CSMD3: variants seen among roughly 807,000 people sequenced by gnomAD.
The protein encoded by CSMD3 is CUB and sushi domain-containing protein 3.
In CSMD3, 177 loss-of-function variants were observed where a neutral mutation model predicts 435.2. That is an observed-to-expected ratio of 0.41 (90% CI 0.36 to 0.46). The LOEUF (loss-of-function observed/expected upper bound fraction) is 0.46. CSMD3 is among the 20% of genes least tolerant of loss of function. The probability of loss-of-function intolerance (pLI) is 0.34; values close to 1 mark genes in which losing one functional copy is unlikely to be tolerated. For missense variants in CSMD3, 4,265 were observed against 4,504.6 expected (o/e 0.95, Z 1.52); for synonymous variants, 1,656 against 1,520.5 (o/e 1.09, Z -2.07).
intron 64 of CSMD3, among the ~76,000 whole-genome samples, chr8:112,244,774 T>C (rs1433736259): frequency 6.6e-6 from 1 of 151,990 alleles, no homozygotes; most frequent in African/African-American, 2.4e-5. Context: ...TAATCCACCA[T>C]TTGTGGAACA....
At chr8:113,345,198 T>C (rs1208734852) in intron 1 of CSMD3, among the ~76,000 whole-genome samples, 1 of 152,132 alleles carries the variant, frequency 6.6e-6, no homozygotes, top group African/African-American at 2.4e-5. Flanking sequence ...AGGATAAGTC[T>C]ATAAACCCAA....
In CSMD3 at chr8:112,618,348, T is replaced by C. The variant is rs140189518; in HGVS notation, c.3715+18469A>G. Among the ~76,000 whole-genome samples, 557 of 152,156 alleles carry C rather than the reference T, an allele frequency of 3.7e-3. 5 individuals are homozygous for C. The highest frequency in any genetic ancestry group is 0.012 in the African/African-American group (514 of 41,554). ...AAGAAAAAGAATATAAATATGGTTATTAAGCCATAGTCAAGACAGAAGGCT... is the reference window on the plus strand; with the variant it reads ...AAGAAAAAGAATATAAATATGGTTACTAAGCCATAGTCAAGACAGAAGGCT... On this transcript the variant is annotated intron_variant, in intron 22 of 70. Coordinates refer to ENST00000297405, the MANE Select transcript of CSMD3 (RefSeq NM_198123.2).
At position 112,825,496 on chromosome 8, in the gene CSMD3, G is replaced by A. The variant is rs1349871415; in HGVS notation, c.1859+4190C>T. On this transcript the variant is annotated intron_variant, in intron 12 of 70. Transcript: ENST00000297405. ...TCGTTGTGGCTGCTGACCCTCAGATGGGGTTTCTATGGGGACTTTTTTGTT... is the reference window on the plus strand; with the variant it reads ...TCGTTGTGGCTGCTGACCCTCAGATAGGGTTTCTATGGGGACTTTTTTGTT... Among the ~76,000 whole-genome samples, 2 of 152,148 alleles carry A rather than the reference G, an allele frequency of 1.3e-5. 1 individual carries two copies. The highest frequency in any genetic ancestry group is 4.8e-5 in the African/African-American group (2 of 41,438).
chr8:112,614,238 T>A (rs1402249210), intron 22 of CSMD3, among the ~76,000 whole-genome samples: 1 of 152,130 alleles, frequency 6.6e-6, no homozygotes, highest in Non-Finnish European at 1.5e-5. Context: ...TGGAGTGCCC[T>A]AATTGCCATG....
At chr8:112,761,872 T>C (rs546708216) in intron 13 of CSMD3, among the ~76,000 whole-genome samples, 39 of 152,158 alleles carry the variant, frequency 2.6e-4, no homozygotes, top group African/African-American at 8.9e-4. Flanking sequence ...ATTGGCCTTG[T>C]GGTATTGCCA....
At chr8:112,665,598 T>G (rs180988575) in intron 17 of CSMD3, among the ~76,000 whole-genome samples, 1 of 152,288 alleles carries the variant, frequency 6.6e-6, no homozygotes, top group East Asian at 1.9e-4. Context: ...ATCTGTTTGT[T>G]TTTTGAAGAA....
At chr8:113,027,617 T>C (rs965352374) in intron 5 of CSMD3, among the ~76,000 whole-genome samples, 3 of 152,136 alleles carry the variant, frequency 2.0e-5, no homozygotes, top group African/African-American at 7.2e-5. Flanking sequence ...AATCTAAGTA[T>C]TGTGTTAGGC....
intron 4 of CSMD3, among the ~76,000 whole-genome samples, chr8:113,156,744 A>ATAAATAAATAAATAAATAAT (rs1554792355): frequency 1.0e-4 from 14 of 139,690 alleles, no homozygotes; most frequent in South Asian, 2.3e-4. Context: ...AAATAAATAA[A>ATAAATAAATAAATAAATAAT]TAAATAAATA....
chr8:112,262,612 C>A (rs1389564797), intron 61 of CSMD3, among the ~76,000 whole-genome samples: 1 of 151,850 alleles, frequency 6.6e-6, no homozygotes, highest in Non-Finnish European at 1.5e-5. Flanking sequence ...CCAGAGAAGG[C>A]AATACTGAAA....
At chr8:112,257,253 T>C (rs115110931) in intron 61 of CSMD3, among the ~76,000 whole-genome samples, 1 of 152,156 alleles carries the variant, frequency 6.6e-6, no homozygotes, top group East Asian at 1.9e-4. Flanking sequence ...TGGCTAAATA[T>C]AAAAACAAGT....
intron 10 of CSMD3, among the ~76,000 whole-genome samples, chr8:112,892,417 G>A (rs2130342399): frequency 6.6e-6 from 1 of 151,448 alleles, no homozygotes; most frequent in Non-Finnish European, 1.5e-5. Flanking sequence ...GCCATTTTTG[G>A]AAAATAGGGG....
intron 4 of CSMD3, among the ~76,000 whole-genome samples, chr8:113,107,224 T>C (rs910042475): frequency 6.6e-6 from 1 of 152,212 alleles, no homozygotes; most frequent in Non-Finnish European, 1.5e-5. Context: ...AGGCAGGGCC[T>C]GATCCATGGG....
At position 112,692,229 on chromosome 8, in the gene CSMD3, T is replaced by A. The variant is rs1025277465; in HGVS notation, c.1973-2179A>T. On this transcript the variant is annotated intron_variant, in intron 13 of 70. Coordinates refer to ENST00000297405, the MANE Select transcript of CSMD3 (RefSeq NM_198123.2). ...TTTCTTGAGTTGAAATCTTAGAACT[T>A]TTTTAGTATATTTTCAGCCTTTCTT... is the stretch of plus-strand genomic sequence containing the variant. 2.0e-5 allele frequency among the ~76,000 whole-genome samples: 3 copies of A among 152,210 alleles called. No homozygotes were observed. In the East Asian group the frequency reaches 5.8e-4, roughly 29 times the overall value.
At chr8:112,256,909 A>G (rs939668467) in intron 61 of CSMD3, among the ~76,000 whole-genome samples, 4 of 152,114 alleles carry the variant, frequency 2.6e-5, no homozygotes, top group African/African-American at 4.8e-5. Flanking sequence ...TGTACAAGAG[A>G]TCGACCACAA....
At chr8:113,011,825 ATTAT>A (rs1449221773) in intron 6 of CSMD3, among the ~76,000 whole-genome samples, 1 of 151,840 alleles carries the variant, frequency 6.6e-6, no homozygotes, top group East Asian at 1.9e-4. Flanking sequence ...CAGACCAATG[ATTAT>A]TTAGATAGAT....
At chr8:112,352,314 C>G in intron 39 of CSMD3, 102 bp downstream of exon 39, 3 of 1,570,596 alleles carry the variant, frequency 1.9e-6, no homozygotes, top group Non-Finnish European at 2.6e-6. Flanking sequence ...CAGACACAAA[C>G]CAGGATCAAT....
intron 70 of CSMD3, among the ~76,000 whole-genome samples, chr8:112,228,298 G>A (rs1307842913): frequency 6.6e-6 from 1 of 152,090 alleles, no homozygotes; most frequent in Non-Finnish European, 1.5e-5. Flanking sequence ...GAAGATTAGA[G>A]GATTTTGCCA....
chr8:113,075,362 CT>C (rs2089295912), intron 5 of CSMD3, among the ~76,000 whole-genome samples: 1 of 151,900 alleles, frequency 6.6e-6, no homozygotes, highest in East Asian at 1.9e-4. Flanking sequence ...TATTAAATGT[CT>C]GCTAATCTTA....
intron 23 of CSMD3, among the ~76,000 whole-genome samples, chr8:112,584,959 T>C (rs911760030): frequency 1.3e-5 from 2 of 151,654 alleles, no homozygotes; most frequent in African/African-American, 4.8e-5. Flanking sequence ...TAATCATATG[T>C]CTTTTTGAGG....
Sources: gnomAD v4.1 joint callset for allele counts (sites outside exome capture counted in the v4.1 genomes callset) on GRCh38, gnomAD v4.1.1 for gene constraint, MANE v1.5 for transcripts, NCBI Gene and HGNC (gene_info 2026-07-23, HGNC 2026-07-21) for gene names.